FRMD3: variants seen among roughly 807,000 people sequenced by gnomAD.
FRMD3 encodes the protein FERM domain-containing protein 3.
In FRMD3, 33 loss-of-function variants were observed where a neutral mutation model predicts 70.2. That is an observed-to-expected ratio of 0.47 (90% confidence interval 0.36 to 0.63). FRMD3 has a LOEUF of 0.63. Among genes scored for constraint, FRMD3 ranks in the 20% least tolerant of loss-of-function variants. FRMD3 has a pLI of 0.00. For synonymous variants in FRMD3, 279 were observed against 255.9 expected, an observed-to-expected ratio of 1.09 and a Z score of -0.86; for missense variants, 632 against 711.4, an observed-to-expected ratio of 0.89 and a Z score of 1.27.
intron 13 of FRMD3, among the ~76,000 whole-genome samples, chr9:83,282,991 A>T (rs180756124): frequency 1.1e-3 from 172 of 152,274 alleles, no homozygotes; most frequent in African/African-American, 4.1e-3. Context: ...AGTGATAAAA[A>T]CTTCTCGTGA....
chr9:83,524,457 T>C (rs545695560), intron 1 of FRMD3, among the ~76,000 whole-genome samples: 26 of 152,220 alleles, frequency 1.7e-4, no homozygotes, highest in Non-Finnish European at 3.1e-4. Context: ...GGAAAGAATT[T>C]AGACTGTGTC....
chr9:83,401,362 G>A (rs1275947528), intron 1 of FRMD3, among the ~76,000 whole-genome samples: 2 of 152,220 alleles, frequency 1.3e-5, no homozygotes, highest in East Asian at 3.8e-4. Flanking sequence ...GAATGTTGGA[G>A]TTGGAAGGTA....
At chr9:83,486,298 T>C (rs546442200) in intron 1 of FRMD3, among the ~76,000 whole-genome samples, 199 of 152,230 alleles carry the variant, frequency 1.3e-3, no homozygotes, top group Admixed American at 3.8e-3. Flanking sequence ...GCTGTCCACA[T>C]TACAATCACC....
At chr9:83,446,873 T>A (rs2131405992) in intron 1 of FRMD3, among the ~76,000 whole-genome samples, 1 of 152,312 alleles carries the variant, frequency 6.6e-6, no homozygotes, top group African/African-American at 2.4e-5. Context: ...AATTTATTTA[T>A]AATCGAGTAT....
At chr9:83,400,010 A>AAGAGAAAAGAAAAGACAGAAGAGGAGAAG (rs1825908351) in intron 1 of FRMD3, among the ~76,000 whole-genome samples, 1 of 152,116 alleles carries the variant, frequency 6.6e-6, no homozygotes, top group African/African-American at 2.4e-5. Flanking sequence ...AAGAAAAAAG[A>AAGAGAAAAGAAAAGACAGAAGAGGAGAAG]AGAGAAAAGA....
chr9:83,355,387 G>A (rs1824303097), intron 3 of FRMD3, among the ~76,000 whole-genome samples: 1 of 152,154 alleles, frequency 6.6e-6, no homozygotes, highest in South Asian at 2.1e-4. Flanking sequence ...TGGGCAGCAT[G>A]GTCACCCCAT....
intron 7 of FRMD3, 29 bp from the exon 8 acceptor site, chr9:83,312,004 A>C (rs764480737): frequency 1.3e-6 from 2 of 1,497,730 alleles, no homozygotes; most frequent in Admixed American, 4.1e-5. Context: ...AAAAAAGAAA[A>C]ATCTGTTTAG....
At position 83,372,972 on chromosome 9, in the gene FRMD3, A is replaced by T; in HGVS notation, c.253-17T>A. On this transcript the variant is annotated splice_polypyrimidine_tract_variant and intron_variant, in intron 2 of 13. Transcript: ENST00000304195. ...AAGCCAGTGCTAGGGAGGAAAAAAA[A>T]AAAAGCAGAGATCAGGGGTCAAATT... 1.2e-6 allele frequency: 2 copies of T among 1,609,968 alleles called. No homozygotes were observed. The highest frequency in any genetic ancestry group is 4.5e-5 in the East Asian group (2 of 44,848).
chr9:83,298,965 C>T, intron 11 of FRMD3, 147 bp downstream of exon 11: 1 of 970,448 alleles, frequency 1.0e-6, no homozygotes, highest in Non-Finnish European at 1.6e-6. Context: ...TTGAGGGTGC[C>T]CTGTGAGCAT....
intron 3 of FRMD3, among the ~76,000 whole-genome samples, chr9:83,367,593 T>G (rs377679673): frequency 1.3e-5 from 2 of 152,182 alleles, no homozygotes; most frequent in African/African-American, 4.8e-5. Flanking sequence ...GAAGTGAGCA[T>G]CAGCTCCTAA....
intron 1 of FRMD3, among the ~76,000 whole-genome samples, chr9:83,443,217 T>G (rs576753765): frequency 6.6e-6 from 1 of 152,314 alleles, no homozygotes; most frequent in African/African-American, 2.4e-5. Flanking sequence ...TGCATACATG[T>G]GCCATGTTGG....
intron 2 of FRMD3, among the ~76,000 whole-genome samples, chr9:83,373,878 C>A (rs1354690498): frequency 6.6e-6 from 1 of 152,192 alleles, no homozygotes; most frequent in Non-Finnish European, 1.5e-5. Context: ...GTCCATTGAG[C>A]TCTTGCACCT....
chr9:83,332,245 C>T lies in FRMD3; in HGVS notation c.596+3271G>A, dbSNP rs572459770. Among the ~76,000 whole-genome samples, 3 of 152,310 alleles carry T rather than the reference C, an allele frequency of 2.0e-5. No individual in the cohort carries two copies. In the South Asian group the frequency reaches 6.2e-4, roughly 32 times the overall value. ...CCCTATCCTCCAGTACAGTGAAGGA[C>T]TCAGAAGAAGAAACATTGATCCAAG... On this transcript the variant is annotated intron_variant, in intron 6 of 13. Transcript: ENST00000304195.
At chr9:83,251,899 C>T (rs1832446044) in intron 13 of FRMD3, among the ~76,000 whole-genome samples, 1 of 152,088 alleles carries the variant, frequency 6.6e-6, no homozygotes, top group Non-Finnish European at 1.5e-5. Flanking sequence ...CTGATTCTGA[C>T]TGAGGTAACT....
At chr9:83,559,248 T>C in the FRMD3 span, among the ~76,000 whole-genome samples, 64 of 152,252 alleles carry the variant, frequency 4.2e-4, no homozygotes, top group Middle Eastern at 0.017. Context: ...TTTTAAGAAA[T>C]TGCCACAGCC....
chr9:83,504,931 T>C (rs1829149305), intron 1 of FRMD3, among the ~76,000 whole-genome samples: 1 of 152,176 alleles, frequency 6.6e-6, no homozygotes, highest in African/African-American at 2.4e-5. Context: ...CTGGGAGATG[T>C]TGGGTCCTCA....
intron 3 of FRMD3, among the ~76,000 whole-genome samples, chr9:83,363,491 G>A (rs531457503): frequency 6.6e-6 from 1 of 150,846 alleles, no homozygotes; most frequent in South Asian, 2.1e-4. Context: ...ATACCTGTGC[G>A]TGAATAAATT....
chr9:83,309,222 ATCCTG>A (rs1232375733), intron 10 of FRMD3, among the ~76,000 whole-genome samples: 1 of 151,334 alleles, frequency 6.6e-6, no homozygotes, highest in Non-Finnish European at 1.5e-5. Context: ...CCAAAAATTG[ATCCTG>A]TGACATATTT....
chr9:83,260,097 T>C (rs774205560), intron 13 of FRMD3, among the ~76,000 whole-genome samples: 6 of 152,182 alleles, frequency 3.9e-5, no homozygotes, highest in Non-Finnish European at 8.8e-5. Context: ...CAGTCCAGCA[T>C]TCTGTGGCTC....
Sources: gnomAD v4.1 joint callset for allele counts (sites outside exome capture counted in the v4.1 genomes callset) on GRCh38, gnomAD v4.1.1 for gene constraint, MANE v1.5 for transcripts, NCBI Gene and HGNC (gene_info 2026-07-23, HGNC 2026-07-21) for gene names.